IGSF21: variants seen among roughly 807,000 people sequenced by gnomAD.
IGSF21 encodes immunoglobulin superfamily member 21.
Under a neutral mutation model 46.8 loss-of-function variants are expected in IGSF21, and 28 were observed. The ratio of observed to expected loss-of-function variants is 0.60; its 90% CI spans 0.44 to 0.82. The LOEUF is 0.82. IGSF21 is among the 40% of genes least tolerant of loss of function. IGSF21 has a pLI of 0.00. For missense variants in IGSF21, 624 were observed against 665.5 expected (o/e 0.94, Z 0.69); for synonymous variants, 284 against 273.6 (o/e 1.04, Z -0.38).
intron 3 of IGSF21, among the ~76,000 whole-genome samples, chr1:18,302,165 A>G (rs439857): frequency 1 from 152,112 of 152,116 alleles, 76,054 homozygotes; most frequent in Middle Eastern, 1. Flanking sequence ...TCAAAGCCCA[A>G]AGGTGCTCCA....
intron 1 of IGSF21, chr1:18,115,880 AGAAAGAAAGAAAG>A (rs2086184823): frequency 8.5e-6 from 1 of 117,388 alleles, no homozygotes; most frequent in Admixed American, 9.2e-5. Context: ...AAAGAAAGAA[AGAAAGAAAGAAAG>A]AAAGAAAGAA....
At chr1:18,175,749 G>A (rs1307461727) in intron 1 of IGSF21, among the ~76,000 whole-genome samples, 1 of 152,234 alleles carries the variant, frequency 6.6e-6, no homozygotes, top group Non-Finnish European at 1.5e-5. Flanking sequence ...AGGGTGGAGG[G>A]AGAGCTAATG....
At chr1:18,287,212 A>C (rs1014152286) in intron 2 of IGSF21, among the ~76,000 whole-genome samples, 2 of 143,794 alleles carry the variant, frequency 1.4e-5, no homozygotes, top group Non-Finnish European at 3.1e-5. Context: ...TAAATAAATA[A>C]AAATAAATAA....
At chr1:18,253,195 C>T (rs193094398) in intron 2 of IGSF21, among the ~76,000 whole-genome samples, 1 of 151,596 alleles carries the variant, frequency 6.6e-6, no homozygotes, top group Admixed American at 6.6e-5. Flanking sequence ...GTCTACCCAG[C>T]CCCGTGTTTC....
intron 1 of IGSF21, among the ~76,000 whole-genome samples, chr1:18,119,154 T>A (rs1365376571): frequency 6.6e-6 from 1 of 152,184 alleles, no homozygotes; most frequent in Admixed American, 6.5e-5. Flanking sequence ...CCTTCCCTCC[T>A]TCCTTCCTTC....
chr1:18,287,545 T>A (rs2085226929), intron 2 of IGSF21, among the ~76,000 whole-genome samples: 1 of 152,318 alleles, frequency 6.6e-6, no homozygotes, highest in Non-Finnish European at 1.5e-5. Context: ...ATTTCAGAAG[T>A]GCCTCTCGCT....
At chr1:18,139,205 C>G (rs527867804) in intron 1 of IGSF21, among the ~76,000 whole-genome samples, 9 of 152,164 alleles carry the variant, frequency 5.9e-5, no homozygotes, top group Non-Finnish European at 1.3e-4. Context: ...CTTGGTAACA[C>G]TTTTTGCATG....
chr1:18,306,553 C>T (rs2085427731), intron 3 of IGSF21, among the ~76,000 whole-genome samples: 1 of 152,124 alleles, frequency 6.6e-6, no homozygotes, highest in Non-Finnish European at 1.5e-5. Context: ...AGACTTGGTC[C>T]CCCTGCCCCT....
At chr1:18,139,017 A>AAAC (rs1306296523) in intron 1 of IGSF21, among the ~76,000 whole-genome samples, 1 of 152,170 alleles carries the variant, frequency 6.6e-6, no homozygotes, top group Non-Finnish European at 1.5e-5. Context: ...TTTGCCGTTA[A>AAAC]AACCCACATC....
chr1:18,305,546 T>TGATGGATGGATGGATG lies in IGSF21; in HGVS notation c.305+13575_305+13590dup, dbSNP rs151122242. ...GATGGATTATGAATGGATGGATGGA[T>TGATGGATGGATGGATG]GATGGATGGATGGATGGATGGATGG... On this transcript the variant is annotated intron_variant, in intron 3 of 9. Transcript: ENST00000251296. Among the ~76,000 whole-genome samples, 1,130 of 123,866 alleles carry TGATGGATGGATGGATG rather than the reference T, an allele frequency of 9.1e-3. 62 individuals are homozygous for TGATGGATGGATGGATG. Among genetic ancestry groups the TGATGGATGGATGGATG allele is most frequent in the East Asian group, 0.017 (62 of 3,612 alleles). The allele number at this position is 123,866 out of a possible 152,430, so 81.3% of individuals were successfully genotyped here. A position where few individuals can be genotyped will look rare whatever the true frequency, so the allele number is the denominator to read the frequency against.
intron 3 of IGSF21, among the ~76,000 whole-genome samples, chr1:18,300,605 G>A (rs565335147): frequency 2.6e-5 from 4 of 152,214 alleles, no homozygotes; most frequent in Non-Finnish European, 5.9e-5. Flanking sequence ...AGCAATAATA[G>A]CTGGCATGTG....
chr1:18,201,202 G>C (rs12143243), intron 1 of IGSF21, among the ~76,000 whole-genome samples: 44,778 of 151,958 alleles, frequency 0.29, 7,361 homozygotes, highest in East Asian at 0.55. Context: ...AGCCCTGGGA[G>C]ACTGAGTCAG....
Position 18,139,393 on chromosome 1 carries a change from C to T in IGSF21, c.70+31195C>T, listed in dbSNP as rs12078681. Reference sequence around the variant, plus strand: ...TGATGGGGCCAGTTGGGTTCCTGAGCACCTCCCCCTGCTGGAAGATCGTGC... The same window carrying T: ...TGATGGGGCCAGTTGGGTTCCTGAGTACCTCCCCCTGCTGGAAGATCGTGC... On this transcript the variant is annotated intron_variant, in intron 1 of 9. Transcript: ENST00000251296. Among the ~76,000 whole-genome samples, 556 of 152,284 alleles carry T rather than the reference C, an allele frequency of 3.7e-3. 1 individual carries two copies. The highest frequency in any genetic ancestry group is 0.013 in the African/African-American group (535 of 41,554).
At chr1:18,276,627 T>A (rs1224179085) in intron 2 of IGSF21, among the ~76,000 whole-genome samples, 1 of 152,186 alleles carries the variant, frequency 6.6e-6, no homozygotes, top group African/African-American at 2.4e-5. Flanking sequence ...TACCACACAT[T>A]CCTTCCTCTC....
intron 3 of IGSF21, among the ~76,000 whole-genome samples, chr1:18,314,015 A>G (rs1033412439): frequency 2.6e-5 from 4 of 152,244 alleles, no homozygotes; most frequent in Admixed American, 1.3e-4. Flanking sequence ...TATATCCACC[A>G]TAAAGCTAAT....
intron 1 of IGSF21, among the ~76,000 whole-genome samples, chr1:18,200,004 G>T (rs1557584537): frequency 6.6e-6 from 1 of 151,954 alleles, no homozygotes; most frequent in Non-Finnish European, 1.5e-5. Flanking sequence ...TCCAGACAAA[G>T]ACCCCAAGCC....
rs2085256976 is a variant in IGSF21, at chr1:18,290,730, G to A, written c.184-1136G>A. On this transcript the variant is annotated intron_variant, in intron 2 of 9. Coordinates refer to ENST00000251296, the MANE Select transcript of IGSF21 (RefSeq NM_032880.5). The surrounding 1 kb of genome is among the most constrained non-coding windows in gnomAD (Gnocchi z 4.2). ...AGTACTCCCAGGCAGGTGACAGGGG[G>A]ACAGATTCACACTCCAATCCTCACC... Among the ~76,000 whole-genome samples the A allele has an allele frequency of 6.6e-6, 1 of 152,164 alleles. No individual in the cohort carries two copies. The highest frequency in any genetic ancestry group is 2.4e-5 in the African/African-American group (1 of 41,446).
chr1:18,296,684 T>G (rs2124570664), intron 3 of IGSF21, among the ~76,000 whole-genome samples: 1 of 152,276 alleles, frequency 6.6e-6, no homozygotes, highest in East Asian at 1.9e-4. Context: ...GTGCCAAATT[T>G]GAGGTGGCGT....
At chr1:18,321,796 C>T (rs556680612) in intron 3 of IGSF21, among the ~76,000 whole-genome samples, 31 of 152,332 alleles carry the variant, frequency 2.0e-4, no homozygotes, top group African/African-American at 6.3e-4. Flanking sequence ...GACATTTGGA[C>T]CGTAGCAGGT....
Sources: allele counts gnomAD v4.1 joint callset (sites outside exome capture counted in the v4.1 genomes callset), GRCh38; gene constraint gnomAD v4.1.1; non-coding constraint Gnocchi (gnomAD v3.1); transcripts MANE v1.5; gene names NCBI Gene and HGNC (gene_info 2026-07-23, HGNC 2026-07-21).